STAU1: variants seen among roughly 807,000 people sequenced by gnomAD.
The protein encoded by STAU1 is staufen double-stranded RNA binding protein 1, also known as double-stranded RNA-binding protein Staufen homolog 1.
STAU1 carries 13 observed loss-of-function variants against 62.9 expected under a neutral mutation model. The ratio of observed to expected loss-of-function variants is 0.21; its 90% CI spans 0.13 to 0.33. The LOEUF is 0.33. STAU1 is among the 10% of genes least tolerant of loss of function. The pLI, the probability that STAU1 is intolerant of heterozygous loss-of-function variation, is 1.00. For missense variants in STAU1, 571 were observed against 712.1 expected (o/e 0.80, Z 2.25); for synonymous variants, 269 against 265.1 (o/e 1.01, Z -0.14).
the STAU1 span, among the ~76,000 whole-genome samples, chr20:49,215,261 C>T: frequency 2.0e-5 from 3 of 152,126 alleles, no homozygotes; most frequent in East Asian, 1.9e-4. Flanking sequence ...ATGTGGTCAC[C>T]GTCTCAGAGA....
the STAU1 span, among the ~76,000 whole-genome samples, chr20:49,198,978 C>T: frequency 3.3e-5 from 5 of 151,108 alleles, no homozygotes; most frequent in South Asian, 4.2e-4. Flanking sequence ...CCTGCCCCCC[C>T]GCCAAAAAAA....
At chr20:49,163,618 G>T (rs932144960) in intron 3 of STAU1, among the ~76,000 whole-genome samples, 1 of 151,782 alleles carries the variant, frequency 6.6e-6, no homozygotes, top group Non-Finnish European at 1.5e-5. Context: ...TAGAGACAGG[G>T]TTTCACCATG....
chr20:49,191,622 C>T (rs112513025), upstream of STAU1, among the ~76,000 whole-genome samples: 1,830 of 152,268 alleles, frequency 0.012, 33 homozygotes, highest in Non-Finnish European at 0.014. Context: ...TCAGGGTCAC[C>T]TGTGGTATGT....
At chr20:49,217,000 T>G in the STAU1 span, among the ~76,000 whole-genome samples, 1 of 152,148 alleles carries the variant, frequency 6.6e-6, no homozygotes, top group Non-Finnish European at 1.5e-5. Flanking sequence ...GGCACAGATC[T>G]CCAAAGAGAT....
chr20:49,193,819 C>T, the STAU1 span, among the ~76,000 whole-genome samples: 120 of 151,634 alleles, frequency 7.9e-4, no homozygotes, highest in African/African-American at 2.7e-3. Flanking sequence ...AATCCAAAAA[C>T]TTAGCCAGGC....
chr20:49,182,880 A>G (rs1406348307), intron 1 of STAU1, among the ~76,000 whole-genome samples: 1 of 152,104 alleles, frequency 6.6e-6, no homozygotes, highest in African/African-American at 2.4e-5. Context: ...CAGCACCATG[A>G]AACAGGGAGG....
intron 3 of STAU1, among the ~76,000 whole-genome samples, chr20:49,156,924 TAG>T (rs2093368162): frequency 6.6e-6 from 1 of 151,782 alleles, no homozygotes; most frequent in African/African-American, 2.4e-5. Context: ...GTCCCCAGGT[TAG>T]AGTGCAGTGG....
At chr20:49,201,584 A>G in the STAU1 span, among the ~76,000 whole-genome samples, 2 of 152,040 alleles carry the variant, frequency 1.3e-5, no homozygotes, top group East Asian at 3.9e-4. Context: ...TCTACTAAAA[A>G]TATAAAAATT....
At chr20:49,189,922 T>G (rs1352821208), upstream of STAU1, among the ~76,000 whole-genome samples, 1 of 152,226 alleles carries the variant, frequency 6.6e-6, no homozygotes, top group Non-Finnish European at 1.5e-5. Context: ...TAGCGAAGCC[T>G]GGGAGGACAC....
chr20:49,157,995 G>A (rs1184202780), intron 3 of STAU1, among the ~76,000 whole-genome samples: 1 of 151,766 alleles, frequency 6.6e-6, no homozygotes, highest in Non-Finnish European at 1.5e-5. Context: ...CAAATCAATT[G>A]AAGCGGCCGG....
chr20:49,211,989 G>T, the STAU1 span, among the ~76,000 whole-genome samples: 50,130 of 152,014 alleles, frequency 0.33, 8,912 homozygotes, highest in Middle Eastern at 0.46. Flanking sequence ...TGAACAGTTG[G>T]TTTTTTTGTT....
At chr20:49,175,093 T>C (rs539229770) in intron 1 of STAU1, among the ~76,000 whole-genome samples, 2 of 152,054 alleles carry the variant, frequency 1.3e-5, no homozygotes, top group African/African-American at 4.8e-5. Flanking sequence ...GAGGTGGAGG[T>C]TGCAGTGACT....
At chr20:49,146,361 A>C (rs1195596578) in intron 5 of STAU1, among the ~76,000 whole-genome samples, 1 of 152,234 alleles carries the variant, frequency 6.6e-6, no homozygotes, top group Admixed American at 6.5e-5. Context: ...ACTCAAAACC[A>C]GAAAGAGCTG....
intron 1 of STAU1, among the ~76,000 whole-genome samples, chr20:49,177,075 C>T (rs546135417): frequency 6.6e-6 from 1 of 152,168 alleles, no homozygotes; most frequent in Admixed American, 6.5e-5. Flanking sequence ...CCATGCCCGG[C>T]TAATTTTTTG....
intron 9 of STAU1, 45 bp from the exon 10 acceptor site, chr20:49,118,453 G>C (rs1218461164): frequency 1.6e-5 from 24 of 1,456,000 alleles, no homozygotes; most frequent in Non-Finnish European, 2.3e-5. Context: ...GCATAAATCA[G>C]ATCACTGAAA....
upstream of STAU1, among the ~76,000 whole-genome samples, chr20:49,192,471 G>GA (rs925857801): frequency 9.2e-5 from 14 of 152,142 alleles, no homozygotes; most frequent in Admixed American, 3.3e-4. Flanking sequence ...TCTGTGTGAA[G>GA]AAAAAATGTT....
rs1370591774 is a variant in STAU1, at chr20:49,117,813, C to T, written c.1473G>A (p.Glu491=). ...VPHGPLTRPS[E]QLDYLSRVQG... ...GGACTCTGGAAAGATAGTCCAGTTG[C>T]TCAGAGGGTCTCGTGAGAGGTCCAT... The change falls in exon 11 of 14, where the codon GAG becomes GAA. Residue 491 remains glutamate (E), a synonymous_variant. Transcript: ENST00000371856. The surrounding 1 kb of genome is among the most constrained non-coding windows in gnomAD (Gnocchi z 4.6). The T allele has an allele frequency of 1.9e-6, 3 of 1,613,776 alleles. No homozygotes were observed. The highest frequency in any genetic ancestry group is 2.5e-6 in the Non-Finnish European group (3 of 1,179,946).
At chr20:49,126,371 G>C (rs1453581053) in intron 6 of STAU1, among the ~76,000 whole-genome samples, 1 of 151,396 alleles carries the variant, frequency 6.6e-6, no homozygotes, top group Non-Finnish European at 1.5e-5. Context: ...AGACCAGCCT[G>C]GCCAATACAG....
At chr20:49,119,127 C>T (rs2092404759) in intron 9 of STAU1, among the ~76,000 whole-genome samples, 1 of 152,218 alleles carries the variant, frequency 6.6e-6, no homozygotes, top group Non-Finnish European at 1.5e-5. Context: ...AGAAGAAGGT[C>T]AGCCATGGCT....
Sources: allele counts gnomAD v4.1 joint callset (sites outside exome capture counted in the v4.1 genomes callset), GRCh38; gene constraint gnomAD v4.1.1; non-coding constraint Gnocchi (gnomAD v3.1); transcripts MANE v1.5; gene names NCBI Gene and HGNC (gene_info 2026-07-23, HGNC 2026-07-21).